TCERG1L: variants seen among roughly 807,000 people sequenced by gnomAD.
TCERG1L encodes transcription elongation regulator 1-like protein.
A neutral mutation model predicts 56.3 loss-of-function variants in TCERG1L; 37 were observed. The ratio of observed to expected loss-of-function variants is 0.66; its 90% CI spans 0.51 to 0.87. The LOEUF (loss-of-function observed/expected upper bound fraction) is 0.87. Among genes scored for constraint, TCERG1L ranks in the 40% least tolerant of loss-of-function variants. The pLI is 0.00. For synonymous variants in TCERG1L, 324 were observed against 326.3 expected, an observed-to-expected ratio of 0.99 and a Z score of 0.08; for missense variants, 799 against 774.2, an observed-to-expected ratio of 1.03 and a Z score of -0.38.
chr10:131,131,876 C>G (rs1357192305), intron 8 of TCERG1L, among the ~76,000 whole-genome samples: 1 of 152,206 alleles, frequency 6.6e-6, no homozygotes, highest in Non-Finnish European at 1.5e-5. Flanking sequence ...TCCAAATGAA[C>G]AGATTTCAGC....
At chr10:131,112,257 G>T (rs1845419320) in intron 9 of TCERG1L, among the ~76,000 whole-genome samples, 1 of 142,446 alleles carries the variant, frequency 7.0e-6, no homozygotes, top group African/African-American at 2.5e-5. Flanking sequence ...GTCCAGATGT[G>T]CCCGCTCTAT....
At chr10:131,224,981 A>ACCTG (rs1471910783) in intron 4 of TCERG1L, among the ~76,000 whole-genome samples, 1 of 152,136 alleles carries the variant, frequency 6.6e-6, no homozygotes, top group East Asian at 1.9e-4. Context: ...CGCAGTGTGG[A>ACCTG]CCTGCCGTGT....
chr10:131,221,912 CG>C (rs1845737153), intron 4 of TCERG1L, among the ~76,000 whole-genome samples: 1 of 152,220 alleles, frequency 6.6e-6, no homozygotes, highest in African/African-American at 2.4e-5. Flanking sequence ...CTACAGCCTC[CG>C]AACCTCTAGG....
chr10:131,208,956 G>A (rs1845582976), intron 4 of TCERG1L, among the ~76,000 whole-genome samples: 1 of 151,894 alleles, frequency 6.6e-6, no homozygotes, highest in African/African-American at 2.4e-5. Flanking sequence ...TACTCGGGAG[G>A]CCGAGGCAGG....
At chr10:131,196,176 A>C (rs969161680) in intron 4 of TCERG1L, among the ~76,000 whole-genome samples, 1 of 152,260 alleles carries the variant, frequency 6.6e-6, no homozygotes, top group Non-Finnish European at 1.5e-5. Flanking sequence ...TAAAATGTTC[A>C]GACACCTGTC....
At chr10:131,184,886 A>C (rs1424638286) in intron 4 of TCERG1L, among the ~76,000 whole-genome samples, 1 of 152,214 alleles carries the variant, frequency 6.6e-6, no homozygotes. Context: ...CACCAAAGTC[A>C]CTATTACAAA....
chr10:131,213,031 C>T (rs117667144), intron 4 of TCERG1L, among the ~76,000 whole-genome samples: 1 of 152,356 alleles, frequency 6.6e-6, no homozygotes, highest in Non-Finnish European at 1.5e-5. Context: ...ACCCTCTCTG[C>T]CCCATCAGGC....
rs746716733 is a variant in TCERG1L at position 131,093,024 on chromosome 10, C to G, written c.*138G>C. On this transcript the variant is annotated 3_prime_UTR_variant, in exon 12 of 12. Transcript: ENST00000368642. ...ATATGAAACAGTAATCCTCTGAGAA[C>G]GAAGACCCCGCAGTGCCGGTGCCCG... 1 of 769,892 alleles carries G rather than the reference C, an allele frequency of 1.3e-6. No individual in the cohort carries two copies. Among genetic ancestry groups the G allele is most frequent in the African/African-American group, 1.8e-5 (1 of 57,082 alleles). 47.7% of individuals were successfully genotyped at this position (769,892 alleles called of 1,614,324 possible). A position where few individuals can be genotyped will look rare whatever the true frequency, so the allele number is the denominator to read the frequency against.
At chr10:131,132,881 G>A (rs995016173) in intron 8 of TCERG1L, among the ~76,000 whole-genome samples, 3 of 152,222 alleles carry the variant, frequency 2.0e-5, no homozygotes, top group Admixed American at 6.5e-5. Flanking sequence ...CCTCTGCCCT[G>A]CCACGTGCGG....
chr10:131,263,598 T>A (rs1378041569), intron 3 of TCERG1L, among the ~76,000 whole-genome samples: 1 of 152,208 alleles, frequency 6.6e-6, no homozygotes. Context: ...ACATTTGCCA[T>A]ATTTTTACCC....
chr10:131,202,160 A>G (rs982964628), intron 4 of TCERG1L, among the ~76,000 whole-genome samples: 1 of 152,226 alleles, frequency 6.6e-6, no homozygotes, highest in Non-Finnish European at 1.5e-5. Flanking sequence ...TCCCGACCAC[A>G]TGAAGGAGCA....
In TCERG1L at chr10:131,309,178, A is replaced by G. The variant is rs775774307; in HGVS notation, c.464T>C (p.Ile155Thr). 29 of 1,609,396 alleles carry G rather than the reference A, an allele frequency of 1.8e-5. 1 individual carries two copies. Among genetic ancestry groups the G allele is most frequent in the South Asian group, 5.5e-5 (5 of 90,664 alleles). Residue 155 changes from isoleucine to threonine, a missense_variant, in exon 2 of 12, where the codon ATA (isoleucine) becomes ACA (threonine). Physicochemically the swap from Ile to Thr is moderately conservative, Grantham distance 89. Coordinates refer to ENST00000368642, the MANE Select transcript of TCERG1L (RefSeq NM_174937.4). ...CTTACAGTTAGGAATCCTTTTGTCTATCCAACTTTTCCCAATAGGGGTTGC... is the reference window on the plus strand; with the variant it reads ...CTTACAGTTAGGAATCCTTTTGTCTGTCCAACTTTTCCCAATAGGGGTTGC... ...ALATPIGKSW[I>T]DKRIPNCKIF...
intron 6 of TCERG1L, among the ~76,000 whole-genome samples, chr10:131,147,874 C>T (rs1845816946): frequency 6.6e-6 from 1 of 152,178 alleles, no homozygotes; most frequent in Non-Finnish European, 1.5e-5. Flanking sequence ...GGATTCGTGC[C>T]AAAAGAAGCC....
intron 4 of TCERG1L, among the ~76,000 whole-genome samples, chr10:131,240,348 C>A (rs1456806452): frequency 6.7e-6 from 1 of 149,600 alleles, no homozygotes; most frequent in Admixed American, 6.6e-5. Flanking sequence ...CTTCCCCGTT[C>A]ATTCGTTCAT....
At chr10:131,142,279 C>T (rs938310686) in intron 7 of TCERG1L, among the ~76,000 whole-genome samples, 1 of 152,156 alleles carries the variant, frequency 6.6e-6, no homozygotes, top group Non-Finnish European at 1.5e-5. Flanking sequence ...CACACTAGCT[C>T]ACCACCCTCC....
intron 4 of TCERG1L, among the ~76,000 whole-genome samples, chr10:131,202,651 A>AGT (rs1845454422): frequency 2.0e-5 from 3 of 152,226 alleles, no homozygotes; most frequent in African/African-American, 7.2e-5. Flanking sequence ...GTACACTGCT[A>AGT]AGTAAAACAG....
chr10:131,289,158 T>TTA (rs34345251), intron 3 of TCERG1L, among the ~76,000 whole-genome samples: 3 of 151,942 alleles, frequency 2.0e-5, no homozygotes, highest in African/African-American at 7.3e-5. Context: ...TTTTTTTTTT[T>TTA]AATCAAGCAT....
chr10:131,185,956 T>C (rs1589741083), intron 4 of TCERG1L, among the ~76,000 whole-genome samples: 1 of 152,226 alleles, frequency 6.6e-6, no homozygotes. Flanking sequence ...GGACGTAATG[T>C]ACATGAGCAT....
intron 7 of TCERG1L, among the ~76,000 whole-genome samples, chr10:131,142,384 T>C (rs1471802014): frequency 1.3e-5 from 2 of 152,238 alleles, no homozygotes; most frequent in Admixed American, 1.3e-4. Flanking sequence ...GTGCGCTGTC[T>C]TCTCTGACAA....
Sources: gnomAD v4.1 joint callset for allele counts (sites outside exome capture counted in the v4.1 genomes callset) on GRCh38, gnomAD v4.1.1 for gene constraint, MANE v1.5 for transcripts, NCBI Gene and HGNC (gene_info 2026-07-23, HGNC 2026-07-21) for gene names.